Variants in MAD1L1 observed in about 807,000 individuals in gnomAD.
MAD1L1 encodes the protein mitotic arrest deficient 1 like 1, also known as mitotic spindle assembly checkpoint protein MAD1.
Under a neutral mutation model 96.9 loss-of-function variants are expected in MAD1L1, and 95 were observed. The observed-to-expected ratio is 0.98, with a 90% confidence interval of 0.83 to 1.16. The LOEUF (loss-of-function observed/expected upper bound fraction) is 1.16. Ranked by LOEUF, MAD1L1 falls within the 50% of genes most tolerant of loss-of-function variation. The pLI is 0.00. For synonymous variants in MAD1L1, 473 were observed against 396.6 expected (o/e 1.19, Z -2.29); for missense variants, 1,007 against 954.4 (o/e 1.06, Z -0.73).
At chr7:1,879,156 T>C (rs751690315) in intron 18 of MAD1L1, among the ~76,000 whole-genome samples, 15 of 152,320 alleles carry the variant, frequency 9.8e-5, no homozygotes, top group East Asian at 3.9e-4. Context: ...TTTTCATGGA[T>C]TGGAACACAA....
At chr7:2,194,929 A>G (rs1791909059) in intron 10 of MAD1L1, among the ~76,000 whole-genome samples, 1 of 152,026 alleles carries the variant, frequency 6.6e-6, no homozygotes, top group South Asian at 2.1e-4. Context: ...CAAATACAAT[A>G]ATACAAAAAT....
chr7:2,039,220 G>A (rs55683212), intron 12 of MAD1L1, among the ~76,000 whole-genome samples: 1 of 152,128 alleles, frequency 6.6e-6, no homozygotes, highest in Admixed American at 6.5e-5. Flanking sequence ...TTAGTCCTGA[G>A]TATTACTCTG....
chr7:1,940,050 C>G (rs777655547), intron 16 of MAD1L1: 4 of 152,378 alleles, frequency 2.6e-5, no homozygotes, highest in Non-Finnish European at 5.9e-5. Context: ...CCTGCCACCC[C>G]CCTCATGGAA....
At chr7:1,869,055 C>G (rs1226582285) in intron 18 of MAD1L1, among the ~76,000 whole-genome samples, 1 of 152,160 alleles carries the variant, frequency 6.6e-6, no homozygotes, top group Non-Finnish European at 1.5e-5. Flanking sequence ...CGAATGGCAC[C>G]GACGCAACTG....
At chr7:1,917,975 C>G (rs1040643231) in intron 17 of MAD1L1, among the ~76,000 whole-genome samples, 1 of 152,176 alleles carries the variant, frequency 6.6e-6, no homozygotes, top group African/African-American at 2.4e-5. Context: ...CAGAGCCCAG[C>G]AGACTAGATG....
chr7:1,874,460 G>A (rs1390944973), intron 18 of MAD1L1: 2 of 451,098 alleles, frequency 4.4e-6, no homozygotes, highest in Non-Finnish European at 8.9e-6. Flanking sequence ...GTGAGGCTCT[G>A]GTGGAGGAGA....
At chr7:1,893,866 C>T (rs1485336829) in intron 18 of MAD1L1, among the ~76,000 whole-genome samples, 1 of 152,206 alleles carries the variant, frequency 6.6e-6, no homozygotes, top group East Asian at 1.9e-4. Flanking sequence ...CAGTGGAGAC[C>T]AGGGCCACCG....
chr7:2,195,912 T>C (rs1791962233), intron 10 of MAD1L1, among the ~76,000 whole-genome samples: 1 of 152,270 alleles, frequency 6.6e-6, no homozygotes, highest in South Asian at 2.1e-4. Context: ...ATGGGCTTCA[T>C]GCCCGCACAT....
At chr7:1,929,343 A>G (rs1345080435) in intron 17 of MAD1L1, among the ~76,000 whole-genome samples, 1 of 152,174 alleles carries the variant, frequency 6.6e-6, no homozygotes, top group Non-Finnish European at 1.5e-5. Flanking sequence ...GATTATTTTA[A>G]TATTAATGCA....
intron 17 of MAD1L1, among the ~76,000 whole-genome samples, chr7:1,922,924 G>A (rs984043929): frequency 2.0e-5 from 3 of 152,282 alleles, no homozygotes; most frequent in East Asian, 1.9e-4. Flanking sequence ...ACCAGCTGAC[G>A]CTCGACACCA....
At chr7:2,208,176 G>C (rs1165433090) in intron 10 of MAD1L1, among the ~76,000 whole-genome samples, 1 of 152,030 alleles carries the variant, frequency 6.6e-6, no homozygotes, top group Admixed American at 6.6e-5. Context: ...ATATTTCATG[G>C]ACTTTGATGC....
intron 16 of MAD1L1, among the ~76,000 whole-genome samples, chr7:1,950,756 C>T (rs975980145): frequency 2.0e-5 from 3 of 152,232 alleles, no homozygotes; most frequent in African/African-American, 7.2e-5. Context: ...GTTGGCAAAG[C>T]TCAGCATGGG....
chr7:2,063,449 CT>C (rs1409936462), intron 12 of MAD1L1, among the ~76,000 whole-genome samples: 1 of 152,238 alleles, frequency 6.6e-6, no homozygotes, highest in Non-Finnish European at 1.5e-5. Flanking sequence ...TTGTCTGTGG[CT>C]GGGACAGGCA....
At chr7:1,978,564 G>A (rs1270317167) in intron 15 of MAD1L1, among the ~76,000 whole-genome samples, 1 of 152,102 alleles carries the variant, frequency 6.6e-6, no homozygotes, top group Non-Finnish European at 1.5e-5. Context: ...CTAGGAAAGA[G>A]ACTGCATGCT....
At chr7:2,172,141 T>G (rs2128595568) in intron 10 of MAD1L1, among the ~76,000 whole-genome samples, 1 of 152,236 alleles carries the variant, frequency 6.6e-6, no homozygotes, top group Middle Eastern at 3.4e-3. Flanking sequence ...GGAGGACTGC[T>G]GGAGTGAAGG....
chr7:1,858,194 T>A (rs1439510067), intron 18 of MAD1L1, among the ~76,000 whole-genome samples: 1 of 152,164 alleles, frequency 6.6e-6, no homozygotes, highest in Non-Finnish European at 1.5e-5. Context: ...GGCGCGCCCG[T>A]CGGTGGCAGT....
At chr7:2,092,312 G>A (rs186438626) in intron 11 of MAD1L1, among the ~76,000 whole-genome samples, 27 of 152,278 alleles carry the variant, frequency 1.8e-4, no homozygotes, top group Admixed American at 1.2e-3. Flanking sequence ...AGGCTGGAGT[G>A]CAGTGGTGTG....
intron 18 of MAD1L1, among the ~76,000 whole-genome samples, chr7:1,839,171 CA>C (rs1783097920): frequency 6.6e-6 from 1 of 152,068 alleles, no homozygotes; most frequent in African/African-American, 2.4e-5. Context: ...AGGTTGGGGG[CA>C]AAAGGGGCTG....
chr7:2,215,376 CAAAAAAA>C (rs34020959), intron 9 of MAD1L1, among the ~76,000 whole-genome samples: 1 of 83,340 alleles, frequency 1.2e-5, no homozygotes, highest in Non-Finnish European at 2.4e-5. Context: ...GACTCCATCT[CAAAAAAA>C]AAAAAAAAAA....
Sources: gnomAD v4.1 joint callset for allele counts (sites outside exome capture counted in the v4.1 genomes callset) on GRCh38, gnomAD v4.1.1 for gene constraint, MANE v1.5 for transcripts, NCBI Gene and HGNC (gene_info 2026-07-23, HGNC 2026-07-21) for gene names.